Variants in ARHGAP15 observed in about 807,000 individuals in gnomAD.
The protein encoded by ARHGAP15 is rho GTPase-activating protein 15.
A neutral mutation model predicts 63.7 loss-of-function variants in ARHGAP15; 51 were observed. The observed-to-expected ratio is 0.80, with a 90% CI of 0.64 to 1.01. The LOEUF (loss-of-function observed/expected upper bound fraction) is 1.01. ARHGAP15 is among the 50% of genes least tolerant of loss of function. The pLI is 0.00. For synonymous variants in ARHGAP15, 191 were observed against 193.8 expected, an observed-to-expected ratio of 0.99 and a Z score of 0.12; for missense variants, 560 against 564.6, an observed-to-expected ratio of 0.99 and a Z score of 0.08.
At chr2:143,134,537 A>C (rs1048682241) in intron 1 of ARHGAP15, among the ~76,000 whole-genome samples, 2 of 152,200 alleles carry the variant, frequency 1.3e-5, no homozygotes, top group African/African-American at 4.8e-5. Flanking sequence ...AAAGACCAAA[A>C]CATTAGTGAC....
intron 10 of ARHGAP15, among the ~76,000 whole-genome samples, chr2:143,544,877 C>T (rs192005778): frequency 3.3e-5 from 5 of 152,266 alleles, no homozygotes; most frequent in East Asian, 3.9e-4. Context: ...ATATCCACTA[C>T]GCAGTTTCTC....
intron 6 of ARHGAP15, among the ~76,000 whole-genome samples, chr2:143,433,652 C>G (rs1689482266): frequency 6.6e-6 from 1 of 152,126 alleles, no homozygotes; most frequent in Admixed American, 6.6e-5. Flanking sequence ...TTTGAATTTA[C>G]TAGACTGCAA....
At chr2:143,494,004 G>T (rs960540147) in intron 9 of ARHGAP15, among the ~76,000 whole-genome samples, 1 of 152,108 alleles carries the variant, frequency 6.6e-6, no homozygotes, top group Non-Finnish European at 1.5e-5. Flanking sequence ...GAATCATTGG[G>T]GGGTTTTGGT....
chr2:143,530,127 C>T (rs770798307), intron 10 of ARHGAP15, among the ~76,000 whole-genome samples: 2 of 152,134 alleles, frequency 1.3e-5, no homozygotes, highest in Non-Finnish European at 2.9e-5. Flanking sequence ...ATTCAGTGAC[C>T]TGCTAGAAGA....
intron 1 of ARHGAP15, among the ~76,000 whole-genome samples, chr2:143,150,570 G>T (rs1689774519): frequency 1.3e-5 from 2 of 151,984 alleles, no homozygotes; most frequent in Admixed American, 6.6e-5. Context: ...CGTAAAATCA[G>T]GAAGTCTAGA....
At chr2:143,383,558 T>C (rs1282029761) in intron 6 of ARHGAP15, among the ~76,000 whole-genome samples, 1 of 152,218 alleles carries the variant, frequency 6.6e-6, no homozygotes, top group Non-Finnish European at 1.5e-5. Flanking sequence ...ATGGAAAGTA[T>C]ACACAATAAT....
chr2:143,258,622 TAAC>T (rs1016663318), intron 6 of ARHGAP15, among the ~76,000 whole-genome samples: 1 of 152,126 alleles, frequency 6.6e-6, no homozygotes, highest in Non-Finnish European at 1.5e-5. Context: ...TCTTTTATCT[TAAC>T]AAAACAGGAT....
intron 8 of ARHGAP15, among the ~76,000 whole-genome samples, chr2:143,470,896 G>GTGTGTATATATATACACGTA (rs1558993354): frequency 5.4e-5 from 8 of 148,550 alleles, no homozygotes; most frequent in Admixed American, 3.3e-4. Context: ...GTATATTTAT[G>GTGTGTATATATATACACGTA]TGTGTATATA....
At chr2:143,604,894 TG>T (rs1697925962) in intron 11 of ARHGAP15, among the ~76,000 whole-genome samples, 1 of 150,942 alleles carries the variant, frequency 6.6e-6, no homozygotes, top group Non-Finnish European at 1.5e-5. Flanking sequence ...AGGGTTTTTT[TG>T]TTTTGTTTTG....
At chr2:143,440,962 C>T (rs1260553300) in intron 8 of ARHGAP15, among the ~76,000 whole-genome samples, 3 of 152,100 alleles carry the variant, frequency 2.0e-5, no homozygotes, top group Admixed American at 6.5e-5. Flanking sequence ...ATAACCTTGG[C>T]GAGGTTTCTT....
At chr2:143,151,077 A>T (rs827229) in intron 1 of ARHGAP15, among the ~76,000 whole-genome samples, 62,284 of 151,810 alleles carry the variant, frequency 0.41, 12,964 homozygotes, top group Middle Eastern at 0.48. Context: ...ATGCAGAAAG[A>T]CTCACAAAAC....
intron 9 of ARHGAP15, among the ~76,000 whole-genome samples, chr2:143,511,172 T>A (rs1441561734): frequency 2.6e-5 from 4 of 152,204 alleles, no homozygotes. Context: ...AGCTTAAAGA[T>A]TAAAAACCAC....
At chr2:143,527,925 T>C (rs1007238551) in intron 10 of ARHGAP15, among the ~76,000 whole-genome samples, 1 of 152,104 alleles carries the variant, frequency 6.6e-6, no homozygotes, top group African/African-American at 2.4e-5. Context: ...ACATGGTCTG[T>C]AAATCCACTT....
Position 143,537,535 on chromosome 2 carries a change from C to T in ARHGAP15, c.925+18171C>T, listed in dbSNP as rs1198748053. Among the ~76,000 whole-genome samples, 12 of 152,312 alleles carry T rather than the reference C, an allele frequency of 7.9e-5. No individual in the cohort carries two copies. In the South Asian group the frequency reaches 1.7e-3, roughly 21 times the overall value. ...AGATCTAACATGTAAGTCTTTAATA[C>T]ATCTTGAATTAATTTTTGTATAAAG... On this transcript the variant is annotated intron_variant, in intron 10 of 13. Transcript: ENST00000295095.
intron 13 of ARHGAP15, among the ~76,000 whole-genome samples, chr2:143,705,468 G>A (rs1235149095): frequency 2.0e-5 from 3 of 152,086 alleles, no homozygotes; most frequent in Admixed American, 2.0e-4. Flanking sequence ...CATATCTTGT[G>A]GTTATGAGAA....
intron 10 of ARHGAP15, among the ~76,000 whole-genome samples, chr2:143,533,059 C>A (rs1399007571): frequency 6.6e-6 from 1 of 152,142 alleles, no homozygotes; most frequent in East Asian, 1.9e-4. Flanking sequence ...TTCTTCTTGT[C>A]TAGAGTTTCT....
intron 6 of ARHGAP15, among the ~76,000 whole-genome samples, chr2:143,421,842 T>G (rs946576480): frequency 6.6e-6 from 1 of 151,356 alleles, no homozygotes; most frequent in Non-Finnish European, 1.5e-5. Flanking sequence ...TAGATGAATT[T>G]ATGTGTAGAA....
chr2:143,606,211 A>ATCATGCT (rs2105205222), intron 11 of ARHGAP15, among the ~76,000 whole-genome samples: 1 of 152,338 alleles, frequency 6.6e-6, no homozygotes, highest in Non-Finnish European at 1.5e-5. Flanking sequence ...AATATCAGCA[A>ATCATGCT]TCATGCTACA....
chr2:143,488,988 C>T (rs2105230543), intron 9 of ARHGAP15, among the ~76,000 whole-genome samples: 1 of 152,288 alleles, frequency 6.6e-6, no homozygotes, highest in South Asian at 2.1e-4. Flanking sequence ...ATTACTAGTA[C>T]CTTCAGTTCT....
Sources: gnomAD v4.1 joint callset for allele counts (sites outside exome capture counted in the v4.1 genomes callset) on GRCh38, gnomAD v4.1.1 for gene constraint, MANE v1.5 for transcripts, NCBI Gene and HGNC (gene_info 2026-07-23, HGNC 2026-07-21) for gene names.